The following PELI2 variants were observed in gnomAD, a reference collection of about 807,000 sequenced individuals.
PELI2 encodes pellino E3 ubiquitin protein ligase family member 2, also known as E3 ubiquitin-protein ligase pellino homolog 2.
PELI2 carries 23 observed loss-of-function variants against 42.3 expected under a neutral mutation model. The ratio of observed to expected loss-of-function variants is 0.54; its 90% CI spans 0.39 to 0.77. The LOEUF (loss-of-function observed/expected upper bound fraction) is 0.77, where lower values mean the gene tolerates loss of function less well. PELI2 is among the 30% of genes least tolerant of loss of function. PELI2 has a pLI of 0.00. For missense variants in PELI2, 463 were observed against 553.2 expected (o/e 0.84, Z 1.64); for synonymous variants, 245 against 212.2 (o/e 1.15, Z -1.34).
intron 2 of PELI2, among the ~76,000 whole-genome samples, chr14:56,252,424 A>G (rs1888378642): frequency 6.6e-6 from 1 of 152,236 alleles, no homozygotes; most frequent in Non-Finnish European, 1.5e-5. Flanking sequence ...CTTAGAAAAT[A>G]TAGTTGTAAA....
intron 2 of PELI2, among the ~76,000 whole-genome samples, chr14:56,240,584 T>C (rs1189863381): frequency 6.6e-6 from 1 of 152,100 alleles, no homozygotes; most frequent in African/African-American, 2.4e-5. Flanking sequence ...AGTTTGGCTG[T>C]GTTAGTCTGT....
chr14:56,213,760 A>G (rs997358336), intron 2 of PELI2, among the ~76,000 whole-genome samples: 2 of 152,176 alleles, frequency 1.3e-5, no homozygotes, highest in South Asian at 4.1e-4. Context: ...TAAAAAACTT[A>G]AGATTATTTA....
intron 1 of PELI2, among the ~76,000 whole-genome samples, chr14:56,170,800 C>A (rs948637103): frequency 6.6e-6 from 1 of 152,150 alleles, no homozygotes; most frequent in Non-Finnish European, 1.5e-5. Context: ...CTCCCAAATA[C>A]CCTTACTGTA....
At chr14:56,175,464 A>G (rs759146358) in intron 1 of PELI2, among the ~76,000 whole-genome samples, 4 of 152,244 alleles carry the variant, frequency 2.6e-5, no homozygotes, top group African/African-American at 7.2e-5. Flanking sequence ...GGAAGCTGAT[A>G]TACACCATTG....
intron 2 of PELI2, among the ~76,000 whole-genome samples, chr14:56,218,890 G>A (rs1887015980): frequency 6.6e-6 from 1 of 152,182 alleles, no homozygotes; most frequent in African/African-American, 2.4e-5. Flanking sequence ...TAAATGCGAT[G>A]GGAGTTGAGT....
intron 2 of PELI2, among the ~76,000 whole-genome samples, chr14:56,199,158 G>A (rs1485841868): frequency 6.6e-6 from 1 of 152,074 alleles, no homozygotes; most frequent in African/African-American, 2.4e-5. Context: ...TTACTATCAT[G>A]TGTGAGCCAA....
intron 1 of PELI2, among the ~76,000 whole-genome samples, chr14:56,120,818 C>T (rs1333346926): frequency 6.6e-6 from 1 of 152,112 alleles, no homozygotes; most frequent in African/African-American, 2.4e-5. Context: ...GTTTCTTCGG[C>T]TGGAAGGTGA....
chr14:56,188,896 A>T (rs1308375946), intron 2 of PELI2, among the ~76,000 whole-genome samples: 1 of 152,138 alleles, frequency 6.6e-6, no homozygotes, highest in Non-Finnish European at 1.5e-5. Flanking sequence ...GCAGTGGCTC[A>T]TGTCTGTAAT....
chr14:56,188,145 C>T (rs7161019), intron 2 of PELI2, among the ~76,000 whole-genome samples: 8,338 of 152,258 alleles, frequency 0.055, 512 homozygotes, highest in African/African-American at 0.15. Flanking sequence ...AGTGCTCTGA[C>T]GCTGCATTGG....
chr14:56,257,068 A>G (rs1373004436), intron 2 of PELI2, among the ~76,000 whole-genome samples: 3 of 152,206 alleles, frequency 2.0e-5, no homozygotes, highest in African/African-American at 2.4e-5. Context: ...AAGGCTCTGT[A>G]TTAATAGTAT....
intron 1 of PELI2, among the ~76,000 whole-genome samples, chr14:56,158,730 C>G (rs1884654898): frequency 6.6e-6 from 1 of 151,994 alleles, no homozygotes; most frequent in Non-Finnish European, 1.5e-5. Context: ...AGTGTTTTGC[C>G]AAATAATTAA....
intron 1 of PELI2, among the ~76,000 whole-genome samples, chr14:56,131,773 C>T (rs1427658102): frequency 3.3e-5 from 5 of 152,200 alleles, no homozygotes. Context: ...TTAGTCAAAG[C>T]TCATGCTTTG....
chr14:56,151,008 A>T (rs2139621176), intron 1 of PELI2, among the ~76,000 whole-genome samples: 1 of 152,384 alleles, frequency 6.6e-6, no homozygotes, highest in African/African-American at 2.4e-5. Context: ...CATGTTAAGA[A>T]CTATGAAAAT....
intron 2 of PELI2, among the ~76,000 whole-genome samples, chr14:56,259,834 A>G (rs1262888876): frequency 1.3e-5 from 2 of 152,148 alleles, no homozygotes; most frequent in Non-Finnish European, 2.9e-5. Flanking sequence ...TATATTAGCA[A>G]TAAGTAATAG....
intron 5 of PELI2, among the ~76,000 whole-genome samples, chr14:56,294,119 T>A (rs997043693): frequency 1.3e-5 from 2 of 152,174 alleles, no homozygotes; most frequent in African/African-American, 4.8e-5. Context: ...TCCTGTACAG[T>A]ATTAAGATTT....
At position 56,146,162 on chromosome 14, in the gene PELI2, G is replaced by A. The variant is rs139824482; in HGVS notation, c.77+27425G>A. On this transcript the variant is annotated intron_variant, in intron 1 of 5. Coordinates refer to ENST00000267460, the MANE Select transcript of PELI2 (RefSeq NM_021255.3). Reference sequence around the variant, plus strand: ...GACTCAGTGTTCCTAGTTCTGTGTCGGAAATGCTGAAGTCCTGGTTCTTGT... The same window carrying A: ...GACTCAGTGTTCCTAGTTCTGTGTCAGAAATGCTGAAGTCCTGGTTCTTGT... 9.2e-5 allele frequency among the ~76,000 whole-genome samples: 14 copies of A among 152,208 alleles called. No homozygotes were observed. The East Asian group carries it at 9.6e-4, about 10-fold the overall frequency.
In PELI2 at chr14:56,298,486, A is replaced by T. The variant is rs1325634520; in HGVS notation, c.*1320A>T. The T allele has an allele frequency of 6.6e-6, 1 of 152,668 alleles. No homozygotes were observed. The highest frequency in any genetic ancestry group is 1.5e-5 in the Non-Finnish European group (1 of 68,042). The allele number at this position is 152,668 out of a possible 1,614,324, so 9.5% of individuals were successfully genotyped here. On this transcript the variant is annotated 3_prime_UTR_variant, in exon 6 of 6. Transcript: ENST00000267460. ...ATCCTTTAGGACATGAGACTGGTAG[A>T]AGCTGGCTGAGATAAAATAAGTATT...
intron 2 of PELI2, among the ~76,000 whole-genome samples, chr14:56,202,846 A>T (rs935160390): frequency 1.3e-5 from 2 of 152,212 alleles, no homozygotes; most frequent in African/African-American, 4.8e-5. Flanking sequence ...ATTTTGCCAG[A>T]TACCTGTCCT....
chr14:56,156,690 G>T (rs1884578127), intron 1 of PELI2, among the ~76,000 whole-genome samples: 1 of 152,236 alleles, frequency 6.6e-6, no homozygotes, highest in Non-Finnish European at 1.5e-5. Context: ...TTGAGCACTT[G>T]AAGTATGGCT....
Sources: allele counts gnomAD v4.1 joint callset (sites outside exome capture counted in the v4.1 genomes callset), GRCh38; gene constraint gnomAD v4.1.1; transcripts MANE v1.5; gene names NCBI Gene and HGNC (gene_info 2026-07-23, HGNC 2026-07-21).